The following AR variants were observed in gnomAD, a reference collection of about 807,000 sequenced individuals.
AR encodes the protein dihydrotestosterone receptor.
Under a neutral mutation model 53.9 loss-of-function variants are expected in AR, and 8 were observed. The ratio of observed to expected loss-of-function variants is 0.15; its 90% CI spans 0.09 to 0.27. The LOEUF is 0.27. Among genes scored for constraint, AR ranks in the 10% least tolerant of loss-of-function variants. The pLI is 1.00. For missense variants in AR, 639 were observed against 742.5 expected (o/e 0.86, Z 1.62); for synonymous variants, 359 against 316.4 (o/e 1.13, Z -1.43).
intron 1 of AR, among the ~76,000 whole-genome samples, chrX:67,557,492 C>T (rs1921108622): frequency 8.9e-6 from 1 of 112,112 alleles, no homozygotes; most frequent in Admixed American, 9.4e-5. Context: ...ATGGCTTCTT[C>T]TCAGTTAGTT....
intron 2 of AR, among the ~76,000 whole-genome samples, chrX:67,660,969 A>T (rs1371620202): frequency 9.9e-5 from 11 of 111,413 alleles, no homozygotes; most frequent in Non-Finnish European, 3.8e-5. Context: ...TTATTCTCTT[A>T]GAAGCAATTG....
At chrX:67,561,209 C>T (rs886331495) in intron 1 of AR, among the ~76,000 whole-genome samples, 1 of 112,022 alleles carries the variant, frequency 8.9e-6, no homozygotes, top group East Asian at 2.8e-4. Flanking sequence ...CAGCACATAA[C>T]TTAACAGTGG....
chrX:67,585,306 A>G (rs1395747793), intron 1 of AR, among the ~76,000 whole-genome samples: 1 of 110,752 alleles, frequency 9.0e-6, no homozygotes, highest in African/African-American at 3.3e-5. Flanking sequence ...TATCTGTAGC[A>G]TAAACCTCAG....
At chrX:67,668,014 A>G (rs1404576730) in intron 2 of AR, among the ~76,000 whole-genome samples, 1 of 111,489 alleles carries the variant, frequency 9.0e-6, no homozygotes, top group Admixed American at 9.5e-5. Context: ...TGCAAACAAG[A>G]ATAATTTGAC....
intron 1 of AR, among the ~76,000 whole-genome samples, chrX:67,587,864 A>G (rs1922629320): frequency 9.0e-6 from 1 of 110,561 alleles, no homozygotes; most frequent in African/African-American, 3.3e-5. Flanking sequence ...CTACTCAGTA[A>G]ATATTGCTTC....
intron 1 of AR, among the ~76,000 whole-genome samples, chrX:67,641,145 G>A (rs763896358): frequency 2.7e-5 from 3 of 111,216 alleles, no homozygotes; most frequent in African/African-American, 6.5e-5. Context: ...TCTACACTTT[G>A]GAGTCAGACT....
At chrX:67,685,809 G>A (rs1251676641) in intron 2 of AR, 2 of 539,122 alleles carry the variant, frequency 3.7e-6, no homozygotes, top group Non-Finnish European at 5.7e-6. Flanking sequence ...AAACACCAAT[G>A]GAAATCAAAC....
At chrX:67,710,040 G>A (rs961954597) in intron 3 of AR, among the ~76,000 whole-genome samples, 14 of 111,066 alleles carry the variant, frequency 1.3e-4, no homozygotes, top group Admixed American at 9.6e-4. Context: ...CTATCAAAAT[G>A]TATGTGTGTG....
rs143512790 is a variant in AR at position 67,695,996 on chromosome X, T to C, written c.1885+9870T>C. On this transcript the variant is annotated intron_variant, in intron 3 of 7. Coordinates refer to ENST00000374690, the MANE Select transcript of AR (RefSeq NM_000044.6). ...TGGATTGAAAGGCTAATGAGGTTTA[T>C]TTTTAACTACTTTCTATTTGTTTGA... 1.5e-5 allele frequency: 11 copies of C among 751,806 alleles called. No homozygotes were observed. In the East Asian group the frequency reaches 1.7e-3, roughly 115 times the overall value. 62.0% of individuals were successfully genotyped at this position (751,806 alleles called of 1,213,427 possible).
chrX:67,560,782 T>G (rs1260150570), intron 1 of AR, among the ~76,000 whole-genome samples: 1 of 111,503 alleles, frequency 9.0e-6, no homozygotes, highest in Non-Finnish European at 1.9e-5. Context: ...CCTTTGACCT[T>G]GAAGGCTATC....
chrX:67,565,906 C>T (rs1204040), intron 1 of AR, among the ~76,000 whole-genome samples: 3 of 110,773 alleles, frequency 2.7e-5, no homozygotes, highest in Admixed American at 9.6e-5. Context: ...TTGCCCAGGC[C>T]GGTCCTGAAT....
At chrX:67,600,158 T>C (rs1163453201) in intron 1 of AR, among the ~76,000 whole-genome samples, 1 of 111,382 alleles carries the variant, frequency 9.0e-6, no homozygotes, top group Non-Finnish European at 1.9e-5. Flanking sequence ...GAGAGGGACA[T>C]GGAAAGGAGT....
chrX:67,722,929 C>T lies in AR; in HGVS notation c.2552C>T (p.Thr851Ile), dbSNP rs975076409. The change falls in exon 7 of 8, where the codon ACA (threonine) becomes ATA (isoleucine). Residue 851 changes from threonine (T) to isoleucine (I), a missense_variant. Around this residue, in one of 5 missense-constraint regions of AR, gnomAD observed 95 missense variants for 196.4 expected, o/e 0.48. Coordinates refer to ENST00000374690, the MANE Select transcript of AR (RefSeq NM_000044.6). ...RIIACKRKNP[T>I]SCSRRFYQLT... Reference sequence around the variant, plus strand: ...ATTGCATGCAAAAGAAAAAATCCCACATCCTGCTCAAGACGCTTCTACCAG... The same window carrying T: ...ATTGCATGCAAAAGAAAAAATCCCATATCCTGCTCAAGACGCTTCTACCAG... 8.3e-7 allele frequency: 1 copy of T among 1,209,575 alleles called. No individual in the cohort carries two copies. The highest frequency in any genetic ancestry group is 1.8e-5 in the African/African-American group (1 of 57,057).
At chrX:67,569,156 C>A (rs1378217523) in intron 1 of AR, 3 of 510,665 alleles carry the variant, frequency 5.9e-6, no homozygotes, top group Middle Eastern at 4.7e-4. Context: ...GCTTGAATAT[C>A]TTAGCATGTT....
chrX:67,602,291 A>T (rs1602184424), intron 1 of AR, among the ~76,000 whole-genome samples: 1 of 112,063 alleles, frequency 8.9e-6, no homozygotes, highest in African/African-American at 3.2e-5. Context: ...CTTAGTTAAA[A>T]TCCTAGCTGC....
intron 1 of AR, among the ~76,000 whole-genome samples, chrX:67,627,709 C>A (rs140894013): frequency 9.0e-6 from 1 of 111,436 alleles, no homozygotes; most frequent in Non-Finnish European, 1.9e-5. Context: ...GAAGTCCTTG[C>A]CCATGCCTAT....
chrX:67,587,899 G>C (rs1922632362), intron 1 of AR, among the ~76,000 whole-genome samples: 1 of 109,753 alleles, frequency 9.1e-6, no homozygotes, highest in South Asian at 4.1e-4. Context: ...CCCCAGTCCT[G>C]TCCCCCGAGA....
chrX:67,631,304 C>G (rs1359999486), intron 1 of AR, among the ~76,000 whole-genome samples: 2 of 111,623 alleles, frequency 1.8e-5, no homozygotes, highest in Non-Finnish European at 3.8e-5. Flanking sequence ...GGTCTTTTCC[C>G]ATAGTCCCAT....
At chrX:67,574,221 C>T (rs1190996593) in intron 1 of AR, among the ~76,000 whole-genome samples, 4 of 111,663 alleles carry the variant, frequency 3.6e-5, no homozygotes, top group Admixed American at 2.8e-4. Context: ...CTAGTGACTA[C>T]GTGTGTTTCC....
Sources: gnomAD v4.1 joint callset for allele counts (sites outside exome capture counted in the v4.1 genomes callset) on GRCh38, gnomAD v4.1.1 for gene constraint, gnomAD v4.1.1 regional missense constraint, MANE v1.5 for transcripts, NCBI Gene and HGNC (gene_info 2026-07-23, HGNC 2026-07-21) for gene names.